The following ATP2B1 variants were observed in gnomAD, a reference collection of about 807,000 sequenced individuals.
ATP2B1 encodes the protein ATPase plasma membrane Ca2+ transporting 1.
A neutral mutation model predicts 124.2 loss-of-function variants in ATP2B1; 14 were observed. The ratio of observed to expected loss-of-function variants is 0.11; its 90% CI spans 0.07 to 0.18. The LOEUF (loss-of-function observed/expected upper bound fraction) is 0.18. Ranked by LOEUF, ATP2B1 falls within the 10% of genes least tolerant of loss-of-function variation. The pLI is 1.00. For synonymous variants in ATP2B1, 449 were observed against 492.4 expected (o/e 0.91, Z 1.17); for missense variants, 763 against 1,466.1 (o/e 0.52, Z 7.83).
chr12:89,620,577 G>C (rs1879794733), intron 10 of ATP2B1, among the ~76,000 whole-genome samples: 2 of 152,136 alleles, frequency 1.3e-5, no homozygotes, highest in Non-Finnish European at 2.9e-5. Flanking sequence ...TCCTAATACA[G>C]AGTGGAACTT....
chr12:89,675,043 C>G (rs1408470654), intron 1 of ATP2B1, among the ~76,000 whole-genome samples: 2 of 152,054 alleles, frequency 1.3e-5, no homozygotes, highest in African/African-American at 2.4e-5. Context: ...TTCAGAAACT[C>G]GAGATATTAT....
At chr12:89,654,888 A>C (rs940915675) in intron 2 of ATP2B1, among the ~76,000 whole-genome samples, 9 of 152,090 alleles carry the variant, frequency 5.9e-5, no homozygotes, top group African/African-American at 1.7e-4. Flanking sequence ...ATTCATCCTC[A>C]TATGTGTCCC....
chr12:89,695,180 G>A (rs928210822), intron 1 of ATP2B1, among the ~76,000 whole-genome samples: 1 of 151,966 alleles, frequency 6.6e-6, no homozygotes, highest in Non-Finnish European at 1.5e-5. Context: ...AGAATAGCTG[G>A]AAACAATATA....
intron 1 of ATP2B1, among the ~76,000 whole-genome samples, chr12:89,682,041 C>T (rs1592963319): frequency 6.6e-6 from 1 of 152,098 alleles, no homozygotes; most frequent in East Asian, 1.9e-4. Flanking sequence ...AATGAAACAA[C>T]TAAATATAAA....
chr12:89,677,954 T>TTATATATATATATATG (rs1888822348), intron 1 of ATP2B1, among the ~76,000 whole-genome samples: 1 of 68,762 alleles, frequency 1.5e-5, no homozygotes, highest in Non-Finnish European at 2.9e-5. Flanking sequence ...CATGCAGGAA[T>TTATATATATATATATG]TATATATATA....
chr12:89,667,101 C>G lies in ATP2B1; in HGVS notation c.-221-10994G>C, dbSNP rs553413467. ...TTTTTAAAAAGATCTATTCACAATG[C>G]TTCCTCCTAATGGCCCACTCTCACC... On this transcript the variant is annotated intron_variant, in intron 1 of 20. Transcript: ENST00000428670. 3.8e-4 allele frequency among the ~76,000 whole-genome samples: 58 copies of G among 152,250 alleles called. No individual in the cohort carries two copies. The South Asian group carries it at 0.012, about 31-fold the overall frequency.
chr12:89,606,150 T>C (rs1438229165), intron 15 of ATP2B1, among the ~76,000 whole-genome samples: 1 of 152,190 alleles, frequency 6.6e-6, no homozygotes, highest in Non-Finnish European at 1.5e-5. Context: ...AATTATGATA[T>C]AACTCTGCTG....
intron 1 of ATP2B1, among the ~76,000 whole-genome samples, chr12:89,656,820 A>T (rs891916406): frequency 6.6e-6 from 1 of 152,034 alleles, no homozygotes; most frequent in Non-Finnish European, 1.5e-5. Context: ...CAGTCTTCTT[A>T]TTACCTGAAT....
chr12:89,643,206 GTA>G (rs1253981357), intron 2 of ATP2B1, among the ~76,000 whole-genome samples: 2 of 149,934 alleles, frequency 1.3e-5, no homozygotes, highest in African/African-American at 2.5e-5. Flanking sequence ...ATATATGTGT[GTA>G]TATGTGTATA....
At chr12:89,687,789 C>T (rs1291701068) in intron 1 of ATP2B1, among the ~76,000 whole-genome samples, 1 of 152,012 alleles carries the variant, frequency 6.6e-6, no homozygotes, top group Non-Finnish European at 1.5e-5. Flanking sequence ...ATAATATTTA[C>T]TTTTTAAACG....
At position 89,616,934 on chromosome 12, in the gene ATP2B1, C is replaced by T; in HGVS notation, c.1935G>A (p.Leu645=). The change falls in exon 12 of 21, where the codon TTG becomes TTA. Residue 645 remains leucine (L), a synonymous_variant. Coordinates refer to ENST00000428670, the MANE Select transcript of ATP2B1 (RefSeq NM_001366521.1). ...CTCTGAATGCAAGACATATGGTTCT[C>T]AAGCCTTCTGATGCCATCGGTTCAA... ...TVIEPMASEG[L]RTICLAFRDF... 6.2e-7 allele frequency: 1 copy of T among 1,614,104 alleles called. No homozygotes were observed. The highest frequency in any genetic ancestry group is 8.5e-7 in the Non-Finnish European group (1 of 1,179,984).
In ATP2B1 at chr12:89,590,939, T is replaced by C. The variant is rs775990335; in HGVS notation, c.*45A>G. The C allele has an allele frequency of 1.9e-6, 3 of 1,545,054 alleles. No individual in the cohort carries two copies. The highest frequency in any genetic ancestry group is 2.4e-5 in the South Asian group (2 of 83,808). On this transcript the variant is annotated 3_prime_UTR_variant, in exon 21 of 21. Coordinates refer to ENST00000428670, the MANE Select transcript of ATP2B1 (RefSeq NM_001366521.1). The stretch of plus-strand genomic sequence containing the variant: ...ATATGTGAAAAGACCCAGTTTCAAT[T>C]TGTTTCTTTACAATGCAGCTAGTGT...
intron 1 of ATP2B1, among the ~76,000 whole-genome samples, chr12:89,656,580 T>A (rs1885976870): frequency 6.6e-6 from 1 of 152,234 alleles, no homozygotes; most frequent in Non-Finnish European, 1.5e-5. Flanking sequence ...TTTAACATTA[T>A]ACTTGGATCT....
rs997706094 is a variant in ATP2B1 at position 89,610,411 on chromosome 12, A to T, written c.2335+10T>A. The T allele has an allele frequency of 6.2e-7, 1 of 1,608,978 alleles. No individual in the cohort carries two copies. The highest frequency in any genetic ancestry group is 8.5e-7 in the Non-Finnish European group (1 of 1,177,068). On this transcript the variant is annotated intron_variant, in intron 14 of 20. Coordinates refer to ENST00000428670, the MANE Select transcript of ATP2B1 (RefSeq NM_001366521.1). ...TAAGAAATTGTGAAATAACTGAAAAATCTACTTACCTTTAACCAGTGTATG... is the reference window on the plus strand; with the variant it reads ...TAAGAAATTGTGAAATAACTGAAAATTCTACTTACCTTTAACCAGTGTATG...
Position 89,658,598 on chromosome 12 carries a change from GGAGAGAGAGA to G in ATP2B1, c.-221-2501_-221-2492del, listed in dbSNP as rs67298800. 8.3e-3 allele frequency among the ~76,000 whole-genome samples: 578 copies of G among 69,594 alleles called. 1 individual carries two copies. The highest frequency in any genetic ancestry group is 0.013 in the African/African-American group (213 of 16,750). 45.7% of individuals were successfully genotyped at this position (69,594 alleles called of 152,430 possible). A position where few individuals can be genotyped will look rare whatever the true frequency, so the allele number is the denominator to read the frequency against. ...AGAATTCAAACAGAGAATTCAAACA[GGAGAGAGAGA>G]GAGAGAGAGAGAGAGAGAGAGAGAG... On this transcript the variant is annotated intron_variant, in intron 1 of 20. Transcript: ENST00000428670.
chr12:89,592,752 C>A, intron 20 of ATP2B1, among the ~76,000 whole-genome samples: 1 of 152,134 alleles, frequency 6.6e-6, no homozygotes, highest in South Asian at 2.1e-4. Context: ...AGATTAAATT[C>A]GTTAGCACAC....
intron 2 of ATP2B1, among the ~76,000 whole-genome samples, chr12:89,646,227 T>C (rs1224568380): frequency 6.6e-6 from 1 of 152,054 alleles, no homozygotes; most frequent in Non-Finnish European, 1.5e-5. Context: ...GTTTCATAGA[T>C]TTAAACAAAA....
rs1249599866 is a variant in ATP2B1 at position 89,671,542 on chromosome 12, C to T, written c.-221-15435G>A. ...CCTTTCGCCTAATCTTCCCAATGCCCTATGCAATGTAGTATTTAATATTAT... is the reference window on the plus strand; with the variant it reads ...CCTTTCGCCTAATCTTCCCAATGCCTTATGCAATGTAGTATTTAATATTAT... On this transcript the variant is annotated intron_variant, in intron 1 of 20. Coordinates refer to ENST00000428670, the MANE Select transcript of ATP2B1 (RefSeq NM_001366521.1). Among the ~76,000 whole-genome samples the T allele has an allele frequency of 3.3e-5, 5 of 152,114 alleles. No individual in the cohort carries two copies. The East Asian group carries it at 9.6e-4, about 29-fold the overall frequency.
intron 3 of ATP2B1, chr12:89,641,712 T>G (rs1222352320): frequency 6.5e-6 from 1 of 153,758 alleles, no homozygotes; most frequent in Non-Finnish European, 1.4e-5. Flanking sequence ...ATTATCCAAA[T>G]GGTGTACATA....
Sources: gnomAD v4.1 joint callset for allele counts (sites outside exome capture counted in the v4.1 genomes callset) on GRCh38, gnomAD v4.1.1 for gene constraint, MANE v1.5 for transcripts, NCBI Gene and HGNC (gene_info 2026-07-23, HGNC 2026-07-21) for gene names.